The following NINL variants were observed in gnomAD, a reference collection of about 807,000 sequenced individuals.
NINL encodes ninein-like protein.
Under a neutral mutation model 160.3 loss-of-function variants are expected in NINL, and 153 were observed. The observed-to-expected ratio is 0.95, with a 90% CI of 0.84 to 1.09. The LOEUF is 1.09. NINL is among the 50% of genes least tolerant of loss of function. NINL has a pLI of 0.00. For missense variants in NINL, 1,829 were observed against 1,764.0 expected (o/e 1.04, Z -0.66); for synonymous variants, 800 against 734.8 (o/e 1.09, Z -1.43).
chr20:25,477,368 T>C (rs552836381), intron 16 of NINL, among the ~76,000 whole-genome samples: 9 of 152,314 alleles, frequency 5.9e-5, no homozygotes, highest in Non-Finnish European at 1.0e-4. Context: ...GCCGCCACCA[T>C]GCAGGACCTG....
chr20:25,517,900 C>T (rs761108824), intron 2 of NINL, 51 bp from the exon 3 acceptor site: 6 of 1,222,814 alleles, frequency 4.9e-6, no homozygotes, highest in Admixed American at 2.3e-5. Context: ...ACAGATCACA[C>T]AATTCAAAAG....
chr20:25,516,384 A>T (rs2064160420), intron 3 of NINL, among the ~76,000 whole-genome samples: 1 of 152,262 alleles, frequency 6.6e-6, no homozygotes, highest in Non-Finnish European at 1.5e-5. Flanking sequence ...AGAAAAAGAA[A>T]AAGAAAGAAA....
At chr20:25,566,511 T>C (rs1056002503) in intron 1 of NINL, among the ~76,000 whole-genome samples, 9 of 152,102 alleles carry the variant, frequency 5.9e-5, no homozygotes, top group Admixed American at 4.6e-4. Context: ...GACTTTCAGA[T>C]AACTATGATT....
intron 1 of NINL, among the ~76,000 whole-genome samples, chr20:25,541,569 TTA>T (rs2064662617): frequency 6.6e-6 from 1 of 152,240 alleles, no homozygotes; most frequent in South Asian, 2.1e-4. Context: ...GATGCAAAAT[TTA>T]TATGTGTATC....
intron 20 of NINL, among the ~76,000 whole-genome samples, 163 bp from the exon 21 acceptor site, chr20:25,461,798 C>T (rs987917328): frequency 1.3e-5 from 2 of 152,092 alleles, no homozygotes; most frequent in African/African-American, 4.8e-5. Flanking sequence ...CAGTCACTCC[C>T]CGGCCCCTCC....
chr20:25,564,438 C>T (rs908991407), intron 1 of NINL, among the ~76,000 whole-genome samples: 5 of 152,216 alleles, frequency 3.3e-5, no homozygotes, highest in African/African-American at 4.8e-5. Flanking sequence ...CTGCCTCAGC[C>T]TCCTGTGTAG....
At chr20:25,498,790 T>TG (rs2063810485) in intron 8 of NINL, among the ~76,000 whole-genome samples, 1 of 152,060 alleles carries the variant, frequency 6.6e-6, no homozygotes, top group Non-Finnish European at 1.5e-5. Flanking sequence ...CGTGGAGAGA[T>TG]GGAGGGGGTC....
chr20:25,554,192 C>G lies in NINL; in HGVS notation c.-11-27594G>C, dbSNP rs561418314. Among the ~76,000 whole-genome samples, 6 of 152,250 alleles carry G rather than the reference C, an allele frequency of 3.9e-5. No homozygotes were observed. The East Asian group carries it at 1.2e-3, about 29-fold the overall frequency. ...CAAGGAGCAGAAGCTAAACAAGGAG[C>G]CACACAGCGGGAGGGCTGCACTCTG... On this transcript the variant is annotated intron_variant, in intron 1 of 23. Transcript: ENST00000278886.
intron 23 of NINL, among the ~76,000 whole-genome samples, chr20:25,454,133 A>C (rs1294039531): frequency 1.3e-5 from 2 of 151,924 alleles, no homozygotes; most frequent in Non-Finnish European, 2.9e-5. Flanking sequence ...GGAAATTGAG[A>C]ATCTGCTGGG....
At chr20:25,561,843 C>A (rs1371247870) in intron 1 of NINL, among the ~76,000 whole-genome samples, 3 of 151,854 alleles carry the variant, frequency 2.0e-5, no homozygotes, top group Non-Finnish European at 4.4e-5. Flanking sequence ...CCGGCTGCCA[C>A]CCCGTCTGGG....
chr20:25,559,158 C>T (rs1251583854), intron 1 of NINL, among the ~76,000 whole-genome samples: 1 of 152,214 alleles, frequency 6.6e-6, no homozygotes, highest in Non-Finnish European at 1.5e-5. Context: ...TATCTGCTCA[C>T]CCAGAAAGTC....
At chr20:25,453,861 G>A (rs1011975121) in intron 23 of NINL, among the ~76,000 whole-genome samples, 4 of 151,970 alleles carry the variant, frequency 2.6e-5, no homozygotes, top group African/African-American at 9.7e-5. Context: ...CCATCCTGGC[G>A]AACACGGTGA....
chr20:25,513,121 C>T (rs2146885152), intron 3 of NINL, 115 bp from the exon 4 acceptor site: 1 of 1,004,472 alleles, frequency 1.0e-6, no homozygotes, highest in Non-Finnish European at 1.5e-6. Flanking sequence ...GCCCCTCAAA[C>T]ACGTACTGCT....
intron 7 of NINL, among the ~76,000 whole-genome samples, chr20:25,502,859 C>A (rs1331556862): frequency 6.6e-6 from 1 of 152,214 alleles, no homozygotes; most frequent in East Asian, 1.9e-4. Context: ...ACACTGGCAC[C>A]ATGCTTCCTG....
chr20:25,576,630 T>C (rs781320228), intron 1 of NINL, among the ~76,000 whole-genome samples: 47 of 148,386 alleles, frequency 3.2e-4, no homozygotes, highest in Non-Finnish European at 6.3e-4. Flanking sequence ...AGCTAATTTT[T>C]CATTTTTTTT....
chr20:25,526,329 G>C, intron 2 of NINL, 79 bp downstream of exon 2: 1 of 1,264,772 alleles, frequency 7.9e-7, no homozygotes, highest in South Asian at 1.4e-5. Flanking sequence ...TCCTTATTCA[G>C]CTGATATTTA....
chr20:25,501,043 C>G (rs368748), intron 7 of NINL, 33 bp from the exon 8 acceptor site: 9 of 1,602,810 alleles, frequency 5.6e-6, no homozygotes, highest in Non-Finnish European at 3.4e-6. Context: ...TAGCGCCCAG[C>G]GTCCAAAGCC....
intron 1 of NINL, among the ~76,000 whole-genome samples, chr20:25,566,680 G>A (rs564711217): frequency 1.3e-5 from 2 of 152,188 alleles, no homozygotes; most frequent in Non-Finnish European, 2.9e-5. Context: ...TGTAATCCCA[G>A]TGCTTTGGGA....
chr20:25,553,886 A>G (rs1426853055), intron 1 of NINL, among the ~76,000 whole-genome samples: 1 of 152,226 alleles, frequency 6.6e-6, no homozygotes, highest in Non-Finnish European at 1.5e-5. Context: ...AGGGAGACAG[A>G]GCAGAACACC....
Sources: allele counts gnomAD v4.1 joint callset (sites outside exome capture counted in the v4.1 genomes callset), GRCh38; gene constraint gnomAD v4.1.1; transcripts MANE v1.5; gene names NCBI Gene and HGNC (gene_info 2026-07-23, HGNC 2026-07-21).